Variants in WARS2 observed in about 807,000 individuals in gnomAD.
WARS2 encodes the protein tryptophanyl tRNA synthetase 2, mitochondrial, also known as tryptophan--tRNA ligase, mitochondrial.
WARS2 carries 28 observed loss-of-function variants against 36.5 expected under a neutral mutation model. The observed-to-expected ratio is 0.77, with a 90% confidence interval of 0.57 to 1.05. The LOEUF is 1.05. Ranked by LOEUF, WARS2 falls within the 50% of genes least tolerant of loss-of-function variation. WARS2 has a pLI of 0.00. For synonymous variants in WARS2, 174 were observed against 178.4 expected (o/e 0.98, Z 0.20); for missense variants, 435 against 456.8 (o/e 0.95, Z 0.44).
chr1:119,073,686 G>A (rs1651502944), intron 2 of WARS2, among the ~76,000 whole-genome samples: 1 of 152,160 alleles, frequency 6.6e-6, no homozygotes, highest in African/African-American at 2.4e-5. Context: ...TTAAGAGAAG[G>A]TGAATTTTGT....
chr1:119,055,715 G>GA (rs1277434947), intron 2 of WARS2, among the ~76,000 whole-genome samples: 1 of 150,422 alleles, frequency 6.6e-6, no homozygotes, highest in Non-Finnish European at 1.5e-5. Context: ...AGAAGAGAGA[G>GA]AGAAGGAGGA....
intron 2 of WARS2, among the ~76,000 whole-genome samples, chr1:119,076,086 T>A (rs190923247): frequency 6.6e-6 from 1 of 152,324 alleles, no homozygotes; most frequent in African/African-American, 2.4e-5. Context: ...CTAGAAGTAC[T>A]AATGAAACAC....
intron 1 of WARS2, among the ~76,000 whole-genome samples, chr1:119,128,950 T>A (rs587619410): frequency 6.6e-6 from 1 of 152,216 alleles, no homozygotes; most frequent in South Asian, 2.1e-4. Flanking sequence ...AAATATGGTC[T>A]GCTAAAGAAG....
chr1:119,085,263 G>A (rs1652541036), intron 1 of WARS2: 5 of 932,858 alleles, frequency 5.4e-6, no homozygotes, highest in South Asian at 5.3e-5. Context: ...TCGGTTCTCT[G>A]CCCAACCAGA....
chr1:119,130,971 T>C (rs1656056949), intron 1 of WARS2, among the ~76,000 whole-genome samples: 1 of 152,168 alleles, frequency 6.6e-6, no homozygotes, highest in African/African-American at 2.4e-5. Flanking sequence ...CATACTAAAC[T>C]GTTTTCTGCT....
At chr1:119,116,956 C>G (rs968765133) in intron 1 of WARS2, among the ~76,000 whole-genome samples, 3 of 152,152 alleles carry the variant, frequency 2.0e-5, no homozygotes, top group Admixed American at 6.5e-5. Flanking sequence ...AAGTCACAGC[C>G]AAAGGTTCAG....
chr1:119,077,312 G>A (rs1651824041), intron 1 of WARS2, among the ~76,000 whole-genome samples: 2 of 152,068 alleles, frequency 1.3e-5, no homozygotes, highest in African/African-American at 4.8e-5. Context: ...AGATAACTGA[G>A]GTTTGGTGGT....
intron 3 of WARS2, 68 bp from the exon 4 acceptor site, chr1:119,042,417 G>T (rs917616593): frequency 8.8e-5 from 128 of 1,448,410 alleles, no homozygotes; most frequent in Non-Finnish European, 1.2e-4. Context: ...TATACTGCTA[G>T]ATTAAGAAAA....
intron 1 of WARS2, among the ~76,000 whole-genome samples, chr1:119,087,717 T>C (rs1258382340): frequency 2.0e-5 from 3 of 152,228 alleles, no homozygotes; most frequent in Admixed American, 6.5e-5. Context: ...CAGTAAATTG[T>C]TTTTAGTTAG....
At chr1:119,079,067 G>A (rs1384135327) in intron 1 of WARS2, among the ~76,000 whole-genome samples, 1 of 151,962 alleles carries the variant, frequency 6.6e-6, no homozygotes, top group Non-Finnish European at 1.5e-5. Context: ...TATGGTGTGA[G>A]GTAAGCATCT....
At chr1:119,034,848 C>T (rs1189878428) in intron 4 of WARS2, among the ~76,000 whole-genome samples, 2 of 152,028 alleles carry the variant, frequency 1.3e-5, no homozygotes, top group Non-Finnish European at 1.5e-5. Context: ...TTGGAGAAAA[C>T]ATGAAATACA....
chr1:119,103,472 T>C (rs1188148382), intron 1 of WARS2, among the ~76,000 whole-genome samples: 2 of 152,176 alleles, frequency 1.3e-5, no homozygotes, highest in East Asian at 3.8e-4. Context: ...TAGTTAATAA[T>C]ATACTATTTT....
intron 1 of WARS2, among the ~76,000 whole-genome samples, chr1:119,123,424 C>T: frequency 6.6e-6 from 1 of 152,174 alleles, no homozygotes; most frequent in Non-Finnish European, 1.5e-5. Context: ...ACCCATCAAG[C>T]TATCTTACTT....
rs763903583 is a variant in WARS2 at position 119,140,619 on chromosome 1, G to C, written c.26C>G (p.Ala9Gly). The change falls in exon 1 of 6, where the codon GCG becomes GGG. Residue 9 changes from alanine to glycine, a missense_variant. By Grantham distance (60) the Ala-to-Gly change is moderately conservative (BLOSUM62 0). Transcript: ENST00000235521. ...CCGGATGAAGCTCCAGCGCTCACGC[G>C]CTTTCCGCATTGAGTGCAGCGCCAT... Reference protein sequence around the residue: MALHSMRKARERWSFIRAL... With the variant: MALHSMRKGRERWSFIRAL... The C allele has an allele frequency of 1.2e-6, 2 of 1,613,806 alleles. No individual in the cohort carries two copies. The highest frequency in any genetic ancestry group is 1.7e-6 in the Non-Finnish European group (2 of 1,179,830).
In WARS2 at chr1:119,038,112, C is replaced by T. The variant is rs553433503; in HGVS notation, c.516-3899G>A. Among the ~76,000 whole-genome samples the T allele has an allele frequency of 5.3e-5, 8 of 152,348 alleles. No homozygotes were observed. In the East Asian group the frequency reaches 1.2e-3, roughly 22 times the overall value. ...CCATTCTCTCCCTTCTATGCTACCT[C>T]TTGATTTTCAGGGGCTGCAGCCTGG... On this transcript the variant is annotated intron_variant, in intron 4 of 5. Transcript: ENST00000235521.
At chr1:119,059,680 G>T (rs983565909) in intron 2 of WARS2, among the ~76,000 whole-genome samples, 7 of 152,248 alleles carry the variant, frequency 4.6e-5, no homozygotes, top group African/African-American at 1.2e-4. Context: ...ATACATTTCA[G>T]ATTCAGTGTG....
At chr1:119,074,769 G>A (rs953283019) in intron 2 of WARS2, among the ~76,000 whole-genome samples, 8 of 151,960 alleles carry the variant, frequency 5.3e-5, no homozygotes, top group African/African-American at 1.7e-4. Context: ...AAATAACACC[G>A]CCACTATATA....
At chr1:119,060,667 A>T (rs897829800) in intron 2 of WARS2, among the ~76,000 whole-genome samples, 1 of 152,204 alleles carries the variant, frequency 6.6e-6, no homozygotes, top group Non-Finnish European at 1.5e-5. Flanking sequence ...AAGCAGGCAG[A>T]AACTAGGGGT....
At chr1:119,053,444 T>C (rs1445448315) in intron 2 of WARS2, among the ~76,000 whole-genome samples, 1 of 151,980 alleles carries the variant, frequency 6.6e-6, no homozygotes, top group Non-Finnish European at 1.5e-5. Context: ...CACTAGTACA[T>C]CCCCCAAATT....
Sources: allele counts gnomAD v4.1 joint callset (sites outside exome capture counted in the v4.1 genomes callset), GRCh38; gene constraint gnomAD v4.1.1; transcripts MANE v1.5; gene names NCBI Gene and HGNC (gene_info 2026-07-23, HGNC 2026-07-21).